BACH2: variants seen among roughly 807,000 people sequenced by gnomAD.
BACH2 encodes BACH transcriptional regulator 2, also known as transcription regulator protein BACH2.
In BACH2, 5 loss-of-function variants were observed where a neutral mutation model predicts 61.8. The ratio of observed to expected loss-of-function variants is 0.08; its 90% CI spans 0.04 to 0.17. The LOEUF (loss-of-function observed/expected upper bound fraction) is 0.17, where lower values mean the gene tolerates loss of function less well. BACH2 is among the 10% of genes least tolerant of loss of function. The probability of loss-of-function intolerance (pLI) is 1.00; values close to 1 mark genes in which losing one functional copy is unlikely to be tolerated. For synonymous variants in BACH2, 446 were observed against 440.1 expected, an observed-to-expected ratio of 1.01 and a Z score of -0.17; for missense variants, 824 against 1,091.1, an observed-to-expected ratio of 0.76 and a Z score of 3.45.
chr6:90,096,506 G>A (rs889211336), intron 4 of BACH2, among the ~76,000 whole-genome samples: 18 of 152,192 alleles, frequency 1.2e-4, no homozygotes, highest in African/African-American at 4.3e-4. Context: ...CAGCAGCAGG[G>A]ACCTAGCTTC....
intron 4 of BACH2, among the ~76,000 whole-genome samples, chr6:90,194,991 A>G (rs1404090224): frequency 6.6e-6 from 1 of 152,256 alleles, no homozygotes; most frequent in Non-Finnish European, 1.5e-5. Flanking sequence ...TCATAGTCAC[A>G]GTAATTCTAA....
chr6:90,191,155 T>A (rs911119981), intron 4 of BACH2, among the ~76,000 whole-genome samples: 1 of 152,218 alleles, frequency 6.6e-6, no homozygotes, highest in Non-Finnish European at 1.5e-5. Context: ...TGTAAATCAG[T>A]AAGACCTGCA....
intron 3 of BACH2, among the ~76,000 whole-genome samples, chr6:90,213,404 A>G (rs1222961198): frequency 2.0e-5 from 3 of 152,138 alleles, no homozygotes; most frequent in African/African-American, 7.2e-5. Context: ...CACACCTTCC[A>G]TGTCAGTCAG....
Position 89,951,377 on chromosome 6 carries a change from A to C in BACH2, c.729T>G (p.Tyr243Ter). 1 of 1,614,256 alleles carries C rather than the reference A, an allele frequency of 6.2e-7. No individual in the cohort carries two copies. ...CTGAGGTACTGTGTGATGATGCATT[A>C]TAGACATTCTTGGTACATGCAAGCT... ...KYQLACTKNVYNASSHSTSGF... is the reference protein window; with the variant it reads ...KYQLACTKNV The change falls in exon 7 of 9, where the codon TAT (tyrosine) becomes TAG (stop). Residue 243 changes from tyrosine to a stop codon, truncating the protein, a stop_gained. Transcript: ENST00000257749. LOFTEE classifies it high-confidence loss of function. This position sits in a 1 kb window ranked among gnomAD's most constrained non-coding sequence, Gnocchi z 6.4.
chr6:90,285,693 A>C (rs2127889156), intron 1 of BACH2, among the ~76,000 whole-genome samples: 1 of 152,288 alleles, frequency 6.6e-6, no homozygotes, highest in South Asian at 2.1e-4. Context: ...CTCAGCAGTG[A>C]CCACAGATCT....
Position 90,012,789 on chromosome 6 carries a change from C to T in BACH2, c.-12-3933G>A, listed in dbSNP as rs143721308. ...CAAGTGATTCTCCTGCCTCAGCCTC[C>T]GGAGTAGCTGGAATTAAAGAGGCAT... is the stretch of plus-strand genomic sequence containing the variant. On this transcript the variant is annotated intron_variant, in intron 5 of 8. Transcript: ENST00000257749. Among the ~76,000 whole-genome samples the T allele has an allele frequency of 9.7e-3, 1,468 of 152,004 alleles. 7 individuals are homozygous for T. Among genetic ancestry groups the T allele is most frequent in the Non-Finnish European group, 0.015 (1,047 of 67,974 alleles).
At chr6:90,175,766 C>T (rs1387473555) in intron 4 of BACH2, among the ~76,000 whole-genome samples, 4 of 152,002 alleles carry the variant, frequency 2.6e-5, no homozygotes, top group Admixed American at 1.3e-4. Flanking sequence ...CAAGGCTAGC[C>T]GATTCTCAGA....
At chr6:90,031,874 C>CA (rs1348710474) in intron 5 of BACH2, among the ~76,000 whole-genome samples, 1 of 152,022 alleles carries the variant, frequency 6.6e-6, no homozygotes, top group South Asian at 2.1e-4. Flanking sequence ...CATACGGAAA[C>CA]AAAAAAAGAG....
At chr6:89,948,234 T>A (rs1773863491) in intron 7 of BACH2, among the ~76,000 whole-genome samples, 1 of 151,856 alleles carries the variant, frequency 6.6e-6, no homozygotes, top group Non-Finnish European at 1.5e-5. Flanking sequence ...TGAGACAGGG[T>A]CTCACTTTGT....
At chr6:90,238,561 A>C (rs2127863552) in intron 3 of BACH2, among the ~76,000 whole-genome samples, 1 of 152,318 alleles carries the variant, frequency 6.6e-6, no homozygotes, top group Admixed American at 6.5e-5. Context: ...CTACCTTGCC[A>C]TTGTTTCCTA....
At chr6:90,011,884 C>T (rs368423970) in intron 5 of BACH2, among the ~76,000 whole-genome samples, 1 of 149,114 alleles carries the variant, frequency 6.7e-6, no homozygotes, top group Non-Finnish European at 1.5e-5. Context: ...CACACCACTG[C>T]ACTCCAGCCT....
chr6:90,082,490 C>T (rs1781765737), intron 5 of BACH2, among the ~76,000 whole-genome samples: 1 of 152,048 alleles, frequency 6.6e-6, no homozygotes, highest in South Asian at 2.1e-4. Flanking sequence ...TATAAGATGA[C>T]ACTTAAAGGC....
chr6:90,036,550 C>T (rs1193289057), intron 5 of BACH2, among the ~76,000 whole-genome samples: 1 of 152,104 alleles, frequency 6.6e-6, no homozygotes, highest in Non-Finnish European at 1.5e-5. Flanking sequence ...ACTTAGATTC[C>T]ACGATTAACA....
rs537096928 is a variant in BACH2 at position 90,002,864 on chromosome 6, C to T, written c.243+5738G>A. Among the ~76,000 whole-genome samples, 3 of 152,314 alleles carry T rather than the reference C, an allele frequency of 2.0e-5. No homozygotes were observed. The South Asian group carries it at 6.2e-4, about 32-fold the overall frequency. Reference sequence around the variant, plus strand: ...TTCGCTTCACCCATCTCAGTTAATGCCAACTCCATTCTTCCAATAGTTGAG... The same window carrying T: ...TTCGCTTCACCCATCTCAGTTAATGTCAACTCCATTCTTCCAATAGTTGAG... On this transcript the variant is annotated intron_variant, in intron 6 of 8. Transcript: ENST00000257749.
chr6:90,194,912 G>A (rs1423851123), intron 4 of BACH2, among the ~76,000 whole-genome samples: 1 of 152,118 alleles, frequency 6.6e-6, no homozygotes, highest in Non-Finnish European at 1.5e-5. Context: ...GCTTTGTTTC[G>A]AAGAGAAAAA....
rs114143365 is a variant in BACH2, at chr6:90,244,678, T to C, written c.-275+7835A>G. ...TGTGCTCTGTGCTGTGCCTCACACTTGCTGCCTGTGCTATGGGGACCACTG... is the reference window on the plus strand; with the variant it reads ...TGTGCTCTGTGCTGTGCCTCACACTCGCTGCCTGTGCTATGGGGACCACTG... On this transcript the variant is annotated intron_variant, in intron 3 of 8. Coordinates refer to ENST00000257749, the MANE Select transcript of BACH2 (RefSeq NM_021813.4). 9.4e-3 allele frequency among the ~76,000 whole-genome samples: 1,430 copies of C among 152,264 alleles called. 24 individuals carry two copies. The highest frequency in any genetic ancestry group is 0.032 in the African/African-American group (1,330 of 41,560).
At chr6:89,975,626 A>G (rs1273535619) in intron 6 of BACH2, among the ~76,000 whole-genome samples, 3 of 152,112 alleles carry the variant, frequency 2.0e-5, no homozygotes, top group African/African-American at 7.2e-5. Context: ...TTTTTGGTTT[A>G]CAAACTACTT....
At chr6:90,264,273 A>T (rs1771256663) in intron 2 of BACH2, among the ~76,000 whole-genome samples, 3 of 152,314 alleles carry the variant, frequency 2.0e-5, no homozygotes, top group South Asian at 4.1e-4. Flanking sequence ...ATTCTTCAGA[A>T]ATGATGCTGA....
chr6:90,186,016 T>TA (rs1768344735), intron 4 of BACH2, among the ~76,000 whole-genome samples: 1 of 152,150 alleles, frequency 6.6e-6, no homozygotes, highest in Non-Finnish European at 1.5e-5. Context: ...AGGCTACTTT[T>TA]AAAAAATTTT....
Sources: gnomAD v4.1 joint callset for allele counts (sites outside exome capture counted in the v4.1 genomes callset) on GRCh38, gnomAD v4.1.1 for gene constraint, Gnocchi (gnomAD v3.1) non-coding constraint, MANE v1.5 for transcripts, NCBI Gene and HGNC (gene_info 2026-07-23, HGNC 2026-07-21) for gene names.